The following RALGDS variants were observed in gnomAD, a reference collection of about 807,000 sequenced individuals.
The protein encoded by RALGDS is ral guanine nucleotide exchange factor.
A neutral mutation model predicts 99.8 loss-of-function variants in RALGDS; 44 were observed. The ratio of observed to expected loss-of-function variants is 0.44; its 90% CI spans 0.35 to 0.57. The LOEUF is 0.57. RALGDS is among the 20% of genes least tolerant of loss of function. RALGDS has a pLI of 0.01. For missense variants in RALGDS, 1,022 were observed against 1,203.1 expected, an observed-to-expected ratio of 0.85 and a Z score of 2.23; for synonymous variants, 529 against 505.0, an observed-to-expected ratio of 1.05 and a Z score of -0.64.
intron 5 of RALGDS, 41 bp from the exon 6 acceptor site, chr9:133,108,447 TGTGCCTTTCCA>T: frequency 6.6e-7 from 1 of 1,518,010 alleles, no homozygotes; most frequent in Non-Finnish European, 8.8e-7. Context: ...CAGCCTTTCC[TGTGCCTTTCCA>T]AAGACACAGA....
upstream of RALGDS, among the ~76,000 whole-genome samples, chr9:133,122,184 G>T (rs1216891460): frequency 1.3e-5 from 2 of 152,222 alleles, no homozygotes; most frequent in Non-Finnish European, 2.9e-5. Flanking sequence ...GGGGAAGCAG[G>T]GACAGGGACA....
Position 133,102,512 on chromosome 9 carries a change from G to A in RALGDS, c.1973C>T (p.Thr658Ile), listed in dbSNP as rs141873073. The part of the protein sequence containing the change: ...PSESASNTLR[T>I]KKNTAIVKRW... ...CTTGACAATGGCTGTGTTCTTCTTGGTCCTGAGGGTGTTGCTGGCTGACTC... is the reference window on the plus strand; with the variant it reads ...CTTGACAATGGCTGTGTTCTTCTTGATCCTGAGGGTGTTGCTGGCTGACTC... Residue 658 changes from threonine to isoleucine, a missense_variant, in exon 14 of 18, where the codon ACC becomes ATC. Transcript: ENST00000372050. 6.6e-5 allele frequency: 107 copies of A among 1,614,144 alleles called. No individual in the cohort carries two copies. In the African/African-American group the frequency reaches 1.3e-3, roughly 19 times the overall value.
At position 133,104,418 on chromosome 9, in the gene RALGDS, T is replaced by C. The variant is rs1830916379; in HGVS notation, c.1603-87A>G. On this transcript the variant is annotated intron_variant, in intron 9 of 17. Coordinates refer to ENST00000372050, the MANE Select transcript of RALGDS (RefSeq NM_006266.4). ...CTGGGGTGCTGCCAGTGTGGTCGGG[T>C]TCCAGGGCTGACCCTGTATCAATAC... The C allele has an allele frequency of 1.4e-5, 18 of 1,250,014 alleles. No homozygotes were observed. The South Asian group carries it at 1.8e-4, about 13-fold the overall frequency. 77.4% of individuals were successfully genotyped at this position (1,250,014 alleles called of 1,614,324 possible).
intron 1 of RALGDS, among the ~76,000 whole-genome samples, chr9:133,140,986 A>G (rs778459550): frequency 1.3e-5 from 2 of 152,060 alleles, no homozygotes; most frequent in Non-Finnish European, 2.9e-5. Context: ...AGCCCAGCCG[A>G]CGACCCCCAA....
intron 1 of RALGDS, among the ~76,000 whole-genome samples, chr9:133,137,617 C>A (rs906842235): frequency 6.6e-6 from 1 of 152,196 alleles, no homozygotes; most frequent in Non-Finnish European, 1.5e-5. Context: ...GCAAGCCAGG[C>A]GGGGGAAGAG....
intron 8 of RALGDS, 72 bp from the exon 9 acceptor site, chr9:133,106,088 AT>A: frequency 1.6e-6 from 2 of 1,225,232 alleles, no homozygotes; most frequent in Non-Finnish European, 2.4e-6. Context: ...AATCCGTTTT[AT>A]TTTAGAGCTG....
chr9:133,137,731 C>T (rs921036465), intron 1 of RALGDS, among the ~76,000 whole-genome samples: 1 of 152,304 alleles, frequency 6.6e-6, no homozygotes, highest in East Asian at 1.9e-4. Context: ...ACGGTGGAGG[C>T]GGTGGTAGGT....
In RALGDS at chr9:133,097,968, G is replaced by A. The variant is rs538059778; in HGVS notation, c.*619C>T. On this transcript the variant is annotated 3_prime_UTR_variant, in exon 18 of 18. Coordinates refer to ENST00000372050, the MANE Select transcript of RALGDS (RefSeq NM_006266.4). ...CAGTGGCATGAGATTCAACATCGAT[G>A]GGACTCAGCTGGGACTGTCCTCACT... The A allele has an allele frequency of 5.1e-5, 12 of 235,290 alleles. 1 individual carries two copies. The South Asian group carries it at 2.1e-3, about 41-fold the overall frequency. 14.6% of individuals were successfully genotyped at this position (235,290 alleles called of 1,614,324 possible).
In RALGDS at chr9:133,108,569, T is replaced by C. The variant is rs111236084; in HGVS notation, c.778+104A>G. On this transcript the variant is annotated intron_variant, in intron 5 of 17. Transcript: ENST00000372050. Reference sequence around the variant, plus strand: ...CCCTGCCTGTGTGGTCTGAGGCTCATCTGGGCCCCTGACCCAGCACCAGAC... The same window carrying C: ...CCCTGCCTGTGTGGTCTGAGGCTCACCTGGGCCCCTGACCCAGCACCAGAC... The C allele has an allele frequency of 4.0e-3, 5,881 of 1,473,994 alleles. 171 individuals are homozygous for C. In the African/African-American group the frequency reaches 0.065, roughly 16 times the overall value. The allele number at this position is 1,473,994 out of a possible 1,614,324, so 91.3% of individuals were successfully genotyped here.
In RALGDS at chr9:133,103,934, GGGGGCCTCCT is replaced by G. The variant is rs905250822; in HGVS notation, c.1672-111_1672-102del. 39 of 1,179,542 alleles carry G rather than the reference GGGGGCCTCCT, an allele frequency of 3.3e-5. No homozygotes were observed. In the African/African-American group the frequency reaches 5.6e-4, roughly 17 times the overall value. 73.1% of individuals were successfully genotyped at this position (1,179,542 alleles called of 1,614,324 possible). On this transcript the variant is annotated intron_variant, in intron 10 of 17. Transcript: ENST00000372050. ...CACTTGGAACAGCTGGGGGACCTCT[GGGGGCCTCCT>G]GGGGCCCACTGTCTCCCTGGACCCC...
intron 16 of RALGDS, chr9:133,101,230 G>A (rs1830740371): frequency 7.8e-7 from 1 of 1,274,340 alleles, no homozygotes; most frequent in African/African-American, 1.5e-5. Flanking sequence ...GGTCCTGGCA[G>A]GGCTCAGGGC....
rs758664571 is a variant in RALGDS at position 133,105,906 on chromosome 9, C to CCCGCCCCAGCCT, written c.1602+14_1602+25dup. 6.4e-5 allele frequency: 53 copies of CCCGCCCCAGCCT among 822,618 alleles called. 1 individual carries two copies. In the East Asian group the frequency reaches 9.8e-4, roughly 15 times the overall value. 51.0% of individuals were successfully genotyped at this position (822,618 alleles called of 1,614,324 possible). On this transcript the variant is annotated intron_variant, in intron 9 of 17. Coordinates refer to ENST00000372050, the MANE Select transcript of RALGDS (RefSeq NM_006266.4). ...CCCCGCCCCAGCCCCCGCCCCAGCC[C>CCCGCCCCAGCCT]CCGCCCCAGCCTGCCGCCACTCCAC...
intron 1 of RALGDS, chr9:133,129,150 C>A (rs1832254887): frequency 6.4e-7 from 1 of 1,562,398 alleles, no homozygotes; most frequent in Non-Finnish European, 8.6e-7. Flanking sequence ...TCGGTGGTGG[C>A]CGGTGCTGGC....
chr9:133,104,401 C>T (rs1588515223), intron 9 of RALGDS, 70 bp from the exon 10 acceptor site: 2 of 1,415,774 alleles, frequency 1.4e-6, no homozygotes, highest in East Asian at 4.6e-5. Context: ...ACCTGGGGTG[C>T]TGCCAGTGTG....
intron 1 of RALGDS, among the ~76,000 whole-genome samples, chr9:133,120,198 C>G (rs1462018993): frequency 2.3e-4 from 35 of 152,146 alleles, no homozygotes. Context: ...CCAGGGCACA[C>G]GAGAAACAAG....
At chr9:133,133,716 A>T (rs967127154), upstream of RALGDS, among the ~76,000 whole-genome samples, 3 of 152,222 alleles carry the variant, frequency 2.0e-5, no homozygotes, top group African/African-American at 7.2e-5. Context: ...TTCTCCCAGG[A>T]CACACGACCT....
upstream of RALGDS, among the ~76,000 whole-genome samples, chr9:133,124,759 C>A (rs894905001): frequency 7.2e-5 from 11 of 152,240 alleles, no homozygotes; most frequent in Admixed American, 7.2e-4. Flanking sequence ...GCATGCAAGA[C>A]CCTCTCCTGA....
At chr9:133,107,961 C>T (rs1451230476) in intron 6 of RALGDS, 27 bp downstream of exon 6, 1 of 1,612,096 alleles carries the variant, frequency 6.2e-7, no homozygotes, top group Non-Finnish European at 8.5e-7. Context: ...CAGGCCCACC[C>T]CTGCCCTGCC....
Position 133,109,498 on chromosome 9 carries a change from C to T in RALGDS, c.584+128G>A, listed in dbSNP as rs563681548. On this transcript the variant is annotated intron_variant, in intron 4 of 17. Transcript: ENST00000372050. ...AAGCCCCCAGACCCCAGCCCTCTAG[C>T]AGGAACCACAAGAGGTGTGGGAGCC... 308 of 879,986 alleles carry T rather than the reference C, an allele frequency of 3.5e-4. 1 individual carries two copies. The highest frequency in any genetic ancestry group is 4.4e-4 in the Non-Finnish European group (230 of 521,960). The allele number at this position is 879,986 out of a possible 1,614,324, so 54.5% of individuals were successfully genotyped here.
Sources: gnomAD v4.1 joint callset for allele counts (sites outside exome capture counted in the v4.1 genomes callset) on GRCh38, gnomAD v4.1.1 for gene constraint, MANE v1.5 for transcripts, NCBI Gene and HGNC (gene_info 2026-07-23, HGNC 2026-07-21) for gene names.